Variants in FANCG observed in about 807,000 individuals in gnomAD.
FANCG encodes the protein Fanconi anemia group G protein.
Under a neutral mutation model 73.3 loss-of-function variants are expected in FANCG, and 67 were observed. That is an observed-to-expected ratio of 0.91 (90% CI 0.75 to 1.12). FANCG has a LOEUF of 1.12. Among genes scored for constraint, FANCG ranks in the 50% most tolerant of loss-of-function variants. The pLI is 0.00. For missense variants in FANCG, 643 were observed against 735.6 expected (o/e 0.87, Z 1.46); for synonymous variants, 297 against 311.6 (o/e 0.95, Z 0.49).
chr9:35,077,273 A>T lies in FANCG; in HGVS notation c.637T>A (p.Tyr213Asn), dbSNP rs1829102772. Reference sequence around the variant, plus strand: ...CAGGTTGCTAGCTGACCTTGGCGGTAGGCAAATGCTGTCAGGAGGACATCC... The same window carrying T: ...CAGGTTGCTAGCTGACCTTGGCGGTTGGCAAATGCTGTCAGGAGGACATCC... ...LKDVLLTAFA[Y>N]RQGLQELITG... The change falls in exon 5 of 14, where the codon TAC (tyrosine) becomes AAC (asparagine). Residue 213 changes from tyrosine (Y) to asparagine (N), a missense_variant. Coordinates refer to ENST00000378643, the MANE Select transcript of FANCG (RefSeq NM_004629.2). 6.2e-7 allele frequency: 1 copy of T among 1,614,188 alleles called. No homozygotes were observed. Among genetic ancestry groups the T allele is most frequent in the Non-Finnish European group, 8.5e-7 (1 of 1,180,026 alleles).
At chr9:35,076,191 A>G in intron 8 of FANCG, 163 bp from the exon 9 acceptor site, 1 of 822,512 alleles carries the variant, frequency 1.2e-6, no homozygotes, top group Non-Finnish European at 2.1e-6. Context: ...GTATGGATCT[A>G]CCCCAGTTAC....
At chr9:35,078,071 A>C in intron 4 of FANCG, 70 bp downstream of exon 4, 25 of 1,390,296 alleles carry the variant, frequency 1.8e-5, no homozygotes, top group Non-Finnish European at 2.5e-5. Flanking sequence ...TGATGATGCT[A>C]CTGCAGCTGG....
intron 2 of FANCG, 79 bp from the exon 3 acceptor site, chr9:35,078,815 C>T: frequency 3.8e-6 from 6 of 1,571,634 alleles, no homozygotes; most frequent in Non-Finnish European, 5.2e-6. Flanking sequence ...AGAGATCACC[C>T]CACTCCAACC....
rs764032365 is a variant in FANCG at position 35,075,621 on chromosome 9, G to C, written c.1277C>G (p.Ser426Cys). 7 of 1,614,014 alleles carry C rather than the reference G, an allele frequency of 4.3e-6. No individual in the cohort carries two copies. In the Admixed American group the frequency reaches 5.0e-5, roughly 12 times the overall value. The part of the protein sequence containing the change: ...LCEELLSRTS[S>C]LLPKMSRLWE... ...CAGCCGGGACATCTTGGGTAGCAGA[G>C]ATGATGTGCGGCTGAGCAACTCCTC... is the stretch of plus-strand genomic sequence containing the variant. The change falls in exon 10 of 14, where the codon TCT (serine) becomes TGT (cysteine). Residue 426 changes from serine to cysteine, a missense_variant. Coordinates refer to ENST00000378643, the MANE Select transcript of FANCG (RefSeq NM_004629.2).
chr9:35,079,605 G>T lies in FANCG; in HGVS notation c.-81C>A. 6.9e-7 allele frequency: 1 copy of T among 1,444,270 alleles called. No homozygotes were observed. Among genetic ancestry groups the T allele is most frequent in the South Asian group, 1.1e-5 (1 of 87,336 alleles). 89.5% of individuals were successfully genotyped at this position (1,444,270 alleles called of 1,614,324 possible). A position where few individuals can be genotyped will look rare whatever the true frequency, so the allele number is the denominator to read the frequency against. On this transcript the variant is annotated 5_prime_UTR_variant, in exon 1 of 14. Coordinates refer to ENST00000378643, the MANE Select transcript of FANCG (RefSeq NM_004629.2). ...CCTGCCCAAGCTCCCAACCCCAGCG[G>T]GGAGGGGCCTGGGCACTTCTGCACC...
chr9:35,075,719 C>A lies in FANCG; in HGVS notation c.1179G>T (p.Met393Ile). The A allele has an allele frequency of 1.3e-6, 2 of 1,587,230 alleles. No homozygotes were observed. The highest frequency in any genetic ancestry group is 3.4e-4 in the Middle Eastern group (2 of 5,964). ...SPPPSPPGPC[M>I]PEVFLEAAVA... The stretch of plus-strand genomic sequence containing the variant: ...CCGCTGCCTCCAAAAACACCTCAGG[C>A]ATACAGGGCCCTGGAGGGGAGGGGG... The change falls in exon 10 of 14, where the codon ATG becomes ATT. Residue 393 changes from methionine to isoleucine, a missense_variant. Transcript: ENST00000378643.
At chr9:35,078,368 GACAC>G in intron 3 of FANCG, 25 bp from the exon 4 acceptor site, 3 of 1,604,362 alleles carry the variant, frequency 1.9e-6, no homozygotes, top group Non-Finnish European at 2.6e-6. Flanking sequence ...CACACACATA[GACAC>G]ACACACAGCT....
In FANCG at chr9:35,077,263, C is replaced by G. The variant is rs1028569753; in HGVS notation, c.646+1G>C. ...AGAGATGAGTCAGGTTGCTAGCTGA[C>G]CTTGGCGGTAGGCAAATGCTGTCAG... On this transcript the variant is annotated splice_donor_variant, in intron 5 of 13. Coordinates refer to ENST00000378643, the MANE Select transcript of FANCG (RefSeq NM_004629.2). LOFTEE classifies it high-confidence loss of function. 1 of 1,614,082 alleles carries G rather than the reference C, an allele frequency of 6.2e-7. No homozygotes were observed. Among genetic ancestry groups the G allele is most frequent in the East Asian group, 2.2e-5 (1 of 44,898 alleles).
At chr9:35,076,655 A>C in intron 7 of FANCG, 69 bp downstream of exon 7, 1 of 1,613,864 alleles carries the variant, frequency 6.2e-7, no homozygotes, top group Non-Finnish European at 8.5e-7. Flanking sequence ...GATCTTGACT[A>C]GTCAAGTCAC....
At chr9:35,076,096 G>A (rs1011033520) in intron 8 of FANCG, 68 bp from the exon 9 acceptor site, 1 of 1,450,472 alleles carries the variant, frequency 6.9e-7, no homozygotes, top group Admixed American at 1.7e-5. Context: ...TCCTGAGAAT[G>A]TTCTCTCTTA....
Position 35,075,863 on chromosome 9 carries a change from CAGAAT to C in FANCG, c.1143+94_1143+98del. ...GTCCTGGGCCCCCAGACTGGACAGA[CAGAAT>C]AGAGGAAAAAACAAAAAATTGCAGT... On this transcript the variant is annotated intron_variant, in intron 9 of 13. Transcript: ENST00000378643. 5 of 1,542,200 alleles carry C rather than the reference CAGAAT, an allele frequency of 3.2e-6. No individual in the cohort carries two copies. The South Asian group carries it at 3.3e-5, about 10-fold the overall frequency.
chr9:35,076,182 T>A (rs960947400), intron 8 of FANCG, 154 bp from the exon 9 acceptor site: 2 of 864,706 alleles, frequency 2.3e-6, no homozygotes, highest in East Asian at 5.1e-5. Context: ...TTTGGCTCAG[T>A]ATGGATCTAC....
At position 35,075,224 on chromosome 9, in the gene FANCG, A is replaced by G; in HGVS notation, c.1480+55T>C. ...GGCTGGGACACATTAAAGGGAACCC[A>G]CTTCCACCACTACCACTTCCAGGAG... On this transcript the variant is annotated intron_variant, in intron 11 of 13. Transcript: ENST00000378643. 1.9e-6 allele frequency: 3 copies of G among 1,608,646 alleles called. No individual in the cohort carries two copies. In the South Asian group the frequency reaches 3.3e-5, roughly 18 times the overall value.
At chr9:35,079,405 G>A in intron 1 of FANCG, 36 bp downstream of exon 1, 5 of 1,612,436 alleles carry the variant, frequency 3.1e-6, no homozygotes, top group Non-Finnish European at 4.2e-6. Flanking sequence ...CAGGGATCTT[G>A]AGGCTGCAAA....
rs1321946532 is a variant in FANCG at position 35,079,454 on chromosome 9, A to T, written c.71T>A (p.Val24Asp). The change falls in exon 1 of 14, where the codon GTT becomes GAT. Residue 24 changes from valine to aspartate, a missense_variant. Transcript: ENST00000378643. The part of the protein sequence containing the change: ...DLWREKNDRL[V>D]RQAKVAQNSG... The stretch of plus-strand genomic sequence containing the variant: ...CAACCGTGTTACCTTGGCCTGTCGA[A>T]CGAGCCGGTCATTCTTTTCCCTCCA... 1 of 1,614,066 alleles carries T rather than the reference A, an allele frequency of 6.2e-7. No homozygotes were observed. Among genetic ancestry groups the T allele is most frequent in the Admixed American group, 1.7e-5 (1 of 60,024 alleles).
At chr9:35,077,559 T>G (rs1351987859) in intron 4 of FANCG, among the ~76,000 whole-genome samples, 160 bp from the exon 5 acceptor site, 1 of 152,016 alleles carries the variant, frequency 6.6e-6, no homozygotes, top group Non-Finnish European at 1.5e-5. Flanking sequence ...GCATAATGCC[T>G]GTAGTTTCCC....
chr9:35,079,290 C>T (rs967561335), intron 1 of FANCG, 49 bp from the exon 2 acceptor site: 3 of 1,575,180 alleles, frequency 1.9e-6, no homozygotes, highest in East Asian at 2.3e-5. Flanking sequence ...CTTTTTTCTC[C>T]CCTTGCAGCA....
chr9:35,074,248 G>A, intron 13 of FANCG, 32 bp from the exon 14 acceptor site: 1 of 1,611,816 alleles, frequency 6.2e-7, no homozygotes, highest in African/African-American at 1.3e-5. Flanking sequence ...GCCTAAGGGT[G>A]AAAGATTGGC....
In FANCG at chr9:35,075,670, C is replaced by T. The variant is rs1829068737; in HGVS notation, c.1228G>A (p.Ala410Thr). 6.2e-7 allele frequency: 1 copy of T among 1,611,598 alleles called. No individual in the cohort carries two copies. The highest frequency in any genetic ancestry group is 1.1e-5 in the South Asian group (1 of 91,024). The change falls in exon 10 of 14, where the codon GCC (alanine) becomes ACC (threonine). Residue 410 changes from alanine (A) to threonine (T), a missense_variant. By Grantham distance (58) the Ala-to-Thr change is moderately conservative. Transcript: ENST00000378643. Reference sequence around the variant, plus strand: ...TCACATAGAGTCAAGGCATCTTGGGCTCTGCCTGCCTGGATCAGTGCTACC... The same window carrying T: ...TCACATAGAGTCAAGGCATCTTGGGTTCTGCCTGCCTGGATCAGTGCTACC... ...AAVALIQAGR[A>T]QDALTLCEEL...
Sources: allele counts gnomAD v4.1 joint callset (sites outside exome capture counted in the v4.1 genomes callset), GRCh38; gene constraint gnomAD v4.1.1; transcripts MANE v1.5; gene names NCBI Gene and HGNC (gene_info 2026-07-23, HGNC 2026-07-21).